KIF16B: variants seen among roughly 807,000 people sequenced by gnomAD.
KIF16B encodes kinesin-like protein KIF16B.
Under a neutral mutation model 156.3 loss-of-function variants are expected in KIF16B, and 98 were observed. The ratio of observed to expected loss-of-function variants is 0.63; its 90% CI spans 0.53 to 0.74. The LOEUF is 0.74. KIF16B is among the 30% of genes least tolerant of loss of function. The probability of loss-of-function intolerance (pLI) is 0.00; values close to 1 mark genes in which losing one functional copy is unlikely to be tolerated. For missense variants in KIF16B, 1,421 were observed against 1,606.5 expected, an observed-to-expected ratio of 0.88 and a Z score of 1.97; for synonymous variants, 564 against 583.7, an observed-to-expected ratio of 0.97 and a Z score of 0.49.
chr20:16,564,986 C>A (rs1270680043), intron 1 of KIF16B, among the ~76,000 whole-genome samples: 1 of 152,032 alleles, frequency 6.6e-6, no homozygotes, highest in Admixed American at 6.5e-5. Flanking sequence ...TCTCTCCATG[C>A]CCCTTCTCTC....
At chr20:16,300,439 A>G (rs935113019) in intron 25 of KIF16B, among the ~76,000 whole-genome samples, 1 of 152,200 alleles carries the variant, frequency 6.6e-6, no homozygotes, top group Non-Finnish European at 1.5e-5. Flanking sequence ...AATAGTGTCA[A>G]ATCTACCCAT....
chr20:16,433,703 G>C (rs1459871372), intron 12 of KIF16B, among the ~76,000 whole-genome samples: 1 of 151,986 alleles, frequency 6.6e-6, no homozygotes, highest in East Asian at 1.9e-4. Context: ...AAGTGGGGAA[G>C]GATGAATTTA....
At chr20:16,545,183 A>G (rs2070356878) in intron 1 of KIF16B, among the ~76,000 whole-genome samples, 1 of 152,144 alleles carries the variant, frequency 6.6e-6, no homozygotes, top group African/African-American at 2.4e-5. Flanking sequence ...GCACGTGGCC[A>G]AACTTCTTTG....
At chr20:16,357,816 C>G (rs2064473384) in intron 22 of KIF16B, among the ~76,000 whole-genome samples, 1 of 152,200 alleles carries the variant, frequency 6.6e-6, no homozygotes, top group South Asian at 2.1e-4. Flanking sequence ...TAATTTTTCT[C>G]TGCATGGCTA....
intron 1 of KIF16B, among the ~76,000 whole-genome samples, chr20:16,541,393 G>A (rs960522614): frequency 5.3e-5 from 8 of 152,184 alleles, no homozygotes; most frequent in Non-Finnish European, 1.2e-4. Context: ...AACCTCGAGC[G>A]GCAGCTTGTG....
At chr20:16,398,368 G>A (rs2065566369) in intron 17 of KIF16B, among the ~76,000 whole-genome samples, 1 of 152,158 alleles carries the variant, frequency 6.6e-6, no homozygotes, top group Admixed American at 6.5e-5. Flanking sequence ...CACCTGGTAG[G>A]TACTGAGGGG....
At chr20:16,560,172 T>C (rs1158352385) in intron 1 of KIF16B, among the ~76,000 whole-genome samples, 4 of 152,156 alleles carry the variant, frequency 2.6e-5, no homozygotes, top group African/African-American at 7.2e-5. Flanking sequence ...CAAGGGCCCA[T>C]CTACCTCGTC....
chr20:16,307,210 T>C (rs1188989549), intron 25 of KIF16B, among the ~76,000 whole-genome samples: 3 of 152,216 alleles, frequency 2.0e-5, no homozygotes, highest in Non-Finnish European at 4.4e-5. Context: ...ATTTCATTTT[T>C]TTCATTAATT....
At chr20:16,307,703 A>C (rs114000309) in intron 25 of KIF16B, among the ~76,000 whole-genome samples, 123 of 152,190 alleles carry the variant, frequency 8.1e-4, no homozygotes, top group African/African-American at 3.0e-3. Flanking sequence ...TGTCCTTTTT[A>C]TTTATTTTTT....
rs10564862 is a variant in KIF16B, at chr20:16,514,885, C to CAAAA, written c.348+659_348+662dup. 1.4e-3 allele frequency among the ~76,000 whole-genome samples: 84 copies of CAAAA among 60,750 alleles called. 7 individuals carry two copies. The highest frequency in any genetic ancestry group is 4.7e-3 in the African/African-American group (63 of 13,310). The allele number at this position is 60,750 out of a possible 152,430, so 39.9% of individuals were successfully genotyped here. A position where few individuals can be genotyped will look rare whatever the true frequency, so the allele number is the denominator to read the frequency against. On this transcript the variant is annotated intron_variant, in intron 4 of 25. Coordinates refer to ENST00000354981, the MANE Select transcript of KIF16B (RefSeq NM_024704.5). ...TGGGCGACGGAGTGAGATTCCATCTCAAAAAAAAAAAAAAAAAAAAAAAAA... is the reference window on the plus strand; with the variant it reads ...TGGGCGACGGAGTGAGATTCCATCTCAAAAAAAAAAAAAAAAAAAAAAAAAAAAA...
At chr20:16,510,309 C>T (rs1421480435) in intron 6 of KIF16B, among the ~76,000 whole-genome samples, 1 of 152,124 alleles carries the variant, frequency 6.6e-6, no homozygotes, top group East Asian at 1.9e-4. Flanking sequence ...ACTGGCACAC[C>T]CTGCTTTGCT....
Position 16,561,118 on chromosome 20 carries a change from C to T in KIF16B, c.47+12111G>A, listed in dbSNP as rs534185696. ...CAGCCTAGCCAACATGGTGAAACCC[C>T]GTCTCTACTAAAACTGCAAAAAAAA... On this transcript the variant is annotated intron_variant, in intron 1 of 25. Coordinates refer to ENST00000354981, the MANE Select transcript of KIF16B (RefSeq NM_024704.5). Among the ~76,000 whole-genome samples, 160 of 152,032 alleles carry T rather than the reference C, an allele frequency of 1.1e-3. 1 individual carries two copies. Among genetic ancestry groups the T allele is most frequent in the South Asian group, 7.3e-3 (35 of 4,814 alleles).
intron 12 of KIF16B, among the ~76,000 whole-genome samples, chr20:16,475,354 C>T (rs2067780022): frequency 1.4e-5 from 2 of 142,036 alleles, no homozygotes; most frequent in South Asian, 4.6e-4. Context: ...GTTAAGTCAC[C>T]CAAGGTCATA....
At chr20:16,279,802 T>C (rs1568807811) in intron 25 of KIF16B, among the ~76,000 whole-genome samples, 1 of 152,194 alleles carries the variant, frequency 6.6e-6, no homozygotes, top group African/African-American at 2.4e-5. Flanking sequence ...AAAAGACAAC[T>C]ACTAAACACT....
intron 12 of KIF16B, among the ~76,000 whole-genome samples, chr20:16,455,491 G>A (rs934510568): frequency 6.6e-6 from 1 of 152,170 alleles, no homozygotes; most frequent in Non-Finnish European, 1.5e-5. Context: ...AAAGGAGGAA[G>A]GGATGACAAA....
chr20:16,316,744 T>C (rs191998678), intron 24 of KIF16B, among the ~76,000 whole-genome samples: 46 of 152,322 alleles, frequency 3.0e-4, no homozygotes, highest in Admixed American at 5.2e-4. Context: ...TATTGCCTCA[T>C]TTATTTCAAA....
chr20:16,439,375 G>A (rs1335678216), intron 12 of KIF16B, among the ~76,000 whole-genome samples: 3 of 152,074 alleles, frequency 2.0e-5, no homozygotes, highest in Non-Finnish European at 4.4e-5. Flanking sequence ...CACTACAATG[G>A]TTTCCCACAC....
intron 22 of KIF16B, among the ~76,000 whole-genome samples, chr20:16,357,014 G>A (rs1406545444): frequency 2.0e-5 from 3 of 152,130 alleles, no homozygotes; most frequent in African/African-American, 7.2e-5. Context: ...TACTCAACTT[G>A]GCTCTGACAA....
chr20:16,331,852 A>G lies in KIF16B; in HGVS notation c.3711+4074T>C, dbSNP rs141231266. On this transcript the variant is annotated intron_variant, in intron 24 of 25. Coordinates refer to ENST00000354981, the MANE Select transcript of KIF16B (RefSeq NM_024704.5). ...TTGGAGGAGCAGATTAGCATTATTT[A>G]CAGAGATGGTAATAATATAAGCACT... 2.1e-3 allele frequency among the ~76,000 whole-genome samples: 325 copies of G among 152,300 alleles called. 1 individual carries two copies. Among genetic ancestry groups the G allele is most frequent in the African/African-American group, 7.5e-3 (312 of 41,560 alleles).
Sources: allele counts gnomAD v4.1 joint callset (sites outside exome capture counted in the v4.1 genomes callset), GRCh38; gene constraint gnomAD v4.1.1; transcripts MANE v1.5; gene names NCBI Gene and HGNC (gene_info 2026-07-23, HGNC 2026-07-21).